MTARC2: variants seen among roughly 807,000 people sequenced by gnomAD.
The protein encoded by MTARC2 is MOCO sulphurase C-terminal domain containing 2.
In MTARC2, 27 loss-of-function variants were observed where a neutral mutation model predicts 35.6. The ratio of observed to expected loss-of-function variants is 0.76; its 90% CI spans 0.56 to 1.04. The LOEUF is 1.04. Among genes scored for constraint, MTARC2 ranks in the 50% least tolerant of loss-of-function variants. The probability of loss-of-function intolerance (pLI) is 0.00; values close to 1 mark genes in which losing one functional copy is unlikely to be tolerated. For synonymous variants in MTARC2, 158 were observed against 167.1 expected (o/e 0.95, Z 0.42); for missense variants, 412 against 432.5 (o/e 0.95, Z 0.42).
chr1:220,754,489 A>T, intron 1 of MTARC2: 1 of 454,930 alleles, frequency 2.2e-6, no homozygotes, highest in South Asian at 1.6e-5. Context: ...CAACATTGCA[A>T]GACCTTTGTC....
intron 1 of MTARC2, among the ~76,000 whole-genome samples, chr1:220,751,065 T>C (rs555420556): frequency 1.3e-5 from 2 of 152,336 alleles, no homozygotes; most frequent in Admixed American, 6.5e-5. Flanking sequence ...CTCTGTTTGA[T>C]AGCCGCTGTC....
rs144063691 is a variant in MTARC2, at chr1:220,750,050, C to T, written c.272+1247C>T. ...TGGAGAGCTTTTTCAACTATAACTT[C>T]CTGAGATTCCCATCCCAGGACTACG... On this transcript the variant is annotated intron_variant, in intron 1 of 7. Transcript: ENST00000366913. Among the ~76,000 whole-genome samples, 587 of 152,210 alleles carry T rather than the reference C, an allele frequency of 3.9e-3. 2 individuals carry two copies. The highest frequency in any genetic ancestry group is 0.013 in the African/African-American group (560 of 41,524).
In MTARC2 at chr1:220,780,604, C is replaced by G. The variant is rs72472399; in HGVS notation, c.884+365C>G. On this transcript the variant is annotated intron_variant, in intron 6 of 7. Coordinates refer to ENST00000366913, the MANE Select transcript of MTARC2 (RefSeq NM_017898.5). ...AGCTGGGACTACAGGTGTGTGCCACCATGCCTGGGTGATTATTGTTATTTT... is the reference window on the plus strand; with the variant it reads ...AGCTGGGACTACAGGTGTGTGCCACGATGCCTGGGTGATTATTGTTATTTT... Among the ~76,000 whole-genome samples the G allele has an allele frequency of 7.5e-3, 1,147 of 152,074 alleles. 21 individuals carry two copies. The highest frequency in any genetic ancestry group is 0.027 in the African/African-American group (1,104 of 41,454).
rs546535306 is a variant in MTARC2, at chr1:220,765,570, G to A, written c.750+2520G>A. Reference sequence around the variant, plus strand: ...CAAGGCCAGGCCCAGTCACTAGAGAGTCTTTGTTTTTTTCTTTTTTGAGAC... The same window carrying A: ...CAAGGCCAGGCCCAGTCACTAGAGAATCTTTGTTTTTTTCTTTTTTGAGAC... On this transcript the variant is annotated intron_variant, in intron 4 of 7. Coordinates refer to ENST00000366913, the MANE Select transcript of MTARC2 (RefSeq NM_017898.5). 4.6e-5 allele frequency among the ~76,000 whole-genome samples: 7 copies of A among 152,252 alleles called. No individual in the cohort carries two copies. The East Asian group carries it at 1.2e-3, about 25-fold the overall frequency.
Position 220,762,975 on chromosome 1 carries a change from C to T in MTARC2, c.675C>T (p.Thr225=). 1 of 1,614,076 alleles carries T rather than the reference C, an allele frequency of 6.2e-7. No homozygotes were observed. The highest frequency in any genetic ancestry group is 8.5e-7 in the Non-Finnish European group (1 of 1,180,018). Residue 225 remains threonine, a synonymous_variant, in exon 4 of 8, where the codon ACC becomes ACT. Coordinates refer to ENST00000366913, the MANE Select transcript of MTARC2 (RefSeq NM_017898.5). The stretch of plus-strand genomic sequence containing the variant: ...ATGCCTCCCTGGTAGATTTGAATAC[C>T]AGGATGGAGAAGAAAATGAAAATGG... ...MTDASLVDLN[T]RMEKKMKMEN...
chr1:220,780,152 G>A lies in MTARC2; in HGVS notation c.813-16G>A. 1 of 1,611,644 alleles carries A rather than the reference G, an allele frequency of 6.2e-7. No homozygotes were observed. The highest frequency in any genetic ancestry group is 8.5e-7 in the Non-Finnish European group (1 of 1,179,028). ...GGTTCCTAAGCATCACCTAACCCTT[G>A]GTTACTGCATAACAGGTGTATTTTG... On this transcript the variant is annotated splice_polypyrimidine_tract_variant and intron_variant, in intron 5 of 7. Coordinates refer to ENST00000366913, the MANE Select transcript of MTARC2 (RefSeq NM_017898.5).
intron 2 of MTARC2, among the ~76,000 whole-genome samples, chr1:220,760,021 C>G (rs1033604552): frequency 8.5e-5 from 13 of 152,090 alleles, no homozygotes; most frequent in Non-Finnish European, 1.8e-4. Context: ...AGCCTTCCCA[C>G]GGGGAGGGGC....
At chr1:220,771,227 A>G (rs1671735166) in intron 4 of MTARC2, among the ~76,000 whole-genome samples, 1 of 139,840 alleles carries the variant, frequency 7.2e-6, no homozygotes, top group Non-Finnish European at 1.5e-5. Flanking sequence ...TGAACCTTGG[A>G]GGCAGAGGTT....
intron 2 of MTARC2, among the ~76,000 whole-genome samples, chr1:220,757,465 G>T (rs988468962): frequency 6.6e-6 from 1 of 152,196 alleles, no homozygotes; most frequent in African/African-American, 2.4e-5. Flanking sequence ...TAGATAGTGT[G>T]TTTAGCTAGT....
At chr1:220,758,084 A>C (rs1309780079) in intron 2 of MTARC2, among the ~76,000 whole-genome samples, 7 of 152,092 alleles carry the variant, frequency 4.6e-5, no homozygotes, top group African/African-American at 1.4e-4. Flanking sequence ...TCCTGGGTTC[A>C]AGTGATTCTC....
At chr1:220,776,416 A>G (rs941511119) in intron 4 of MTARC2, among the ~76,000 whole-genome samples, 3 of 152,096 alleles carry the variant, frequency 2.0e-5, no homozygotes, top group Admixed American at 6.5e-5. Context: ...ATGCATTATT[A>G]AATTTATTTT....
chr1:220,761,883 C>T, intron 3 of MTARC2, 63 bp downstream of exon 3: 1 of 1,488,688 alleles, frequency 6.7e-7, no homozygotes, highest in Non-Finnish European at 9.1e-7. Context: ...GGCTTCCTTC[C>T]CAGTTGATAA....
chr1:220,770,437 G>A (rs1671711586), intron 4 of MTARC2: 1 of 985,322 alleles, frequency 1.0e-6, no homozygotes, highest in Non-Finnish European at 1.2e-6. Context: ...CCTCGAGTGA[G>A]TGTGATACGT....
chr1:220,779,268 A>C (rs2102571738), intron 4 of MTARC2, among the ~76,000 whole-genome samples: 1 of 152,290 alleles, frequency 6.6e-6, no homozygotes, highest in African/African-American at 2.4e-5. Flanking sequence ...GTGTGTGTGC[A>C]CATATAAACA....
intron 6 of MTARC2, 109 bp from the exon 7 acceptor site, chr1:220,781,669 C>A: frequency 8.9e-7 from 1 of 1,124,262 alleles, no homozygotes; most frequent in Non-Finnish European, 1.3e-6. Flanking sequence ...TTAGAAAATT[C>A]TTGCTGTGTA....
intron 2 of MTARC2, among the ~76,000 whole-genome samples, chr1:220,759,811 A>G (rs552612982): frequency 6.6e-6 from 1 of 152,122 alleles, no homozygotes; most frequent in South Asian, 2.1e-4. Context: ...AGAGGGAAGG[A>G]AAAGGCCCAA....
At chr1:220,770,183 A>G (rs1010176242) in intron 4 of MTARC2, among the ~76,000 whole-genome samples, 2 of 152,148 alleles carry the variant, frequency 1.3e-5, no homozygotes, top group Non-Finnish European at 2.9e-5. Flanking sequence ...CTTTTTTGTA[A>G]GTGAACTCGT....
rs181360458 is a variant in MTARC2 at position 220,754,075 on chromosome 1, C to T, written c.273-872C>T. On this transcript the variant is annotated intron_variant, in intron 1 of 7. Coordinates refer to ENST00000366913, the MANE Select transcript of MTARC2 (RefSeq NM_017898.5). ...AACGAAATGAAACAAAACAACTAAA[C>T]GAAACAAAACAAAATGAAACTAAAC... is the stretch of plus-strand genomic sequence containing the variant. Among the ~76,000 whole-genome samples, 27 of 152,220 alleles carry T rather than the reference C, an allele frequency of 1.8e-4. No individual in the cohort carries two copies. In the East Asian group the frequency reaches 3.3e-3, roughly 19 times the overall value.
At chr1:220,768,283 G>A (rs907828180) in intron 4 of MTARC2, among the ~76,000 whole-genome samples, 3 of 152,220 alleles carry the variant, frequency 2.0e-5, no homozygotes, top group African/African-American at 7.2e-5. Context: ...ACTATATGTA[G>A]AAGGGTTAAG....
Sources: allele counts gnomAD v4.1 joint callset (sites outside exome capture counted in the v4.1 genomes callset), GRCh38; gene constraint gnomAD v4.1.1; transcripts MANE v1.5; gene names NCBI Gene and HGNC (gene_info 2026-07-23, HGNC 2026-07-21).